Variants in SGCZ observed in about 807,000 individuals in gnomAD.
The protein encoded by SGCZ is sarcoglycan zeta, also known as zeta-sarcoglycan.
In SGCZ, 40 loss-of-function variants were observed where a neutral mutation model predicts 41.3. That is an observed-to-expected ratio of 0.97 (90% confidence interval 0.75 to 1.26). The LOEUF (loss-of-function observed/expected upper bound fraction) is 1.26. Among genes scored for constraint, SGCZ ranks in the 50% most tolerant of loss-of-function variants. The pLI is 0.00. For missense variants in SGCZ, 552 were observed against 369.8 expected, an observed-to-expected ratio of 1.49 and a Z score of -4.04; for synonymous variants, 206 against 137.5, an observed-to-expected ratio of 1.50 and a Z score of -3.49.
intron 2 of SGCZ, among the ~76,000 whole-genome samples, chr8:14,351,942 A>G (rs1166011275): frequency 6.6e-6 from 1 of 152,132 alleles, no homozygotes; most frequent in East Asian, 1.9e-4. Context: ...CATTTTTCAC[A>G]TATATAAAGT....
intron 7 of SGCZ, among the ~76,000 whole-genome samples, chr8:14,092,086 A>G (rs1801704966): frequency 6.6e-6 from 1 of 152,056 alleles, no homozygotes; most frequent in African/African-American, 2.4e-5. Flanking sequence ...TCCTTTCCCC[A>G]TTGCTTGTTT....
intron 4 of SGCZ, among the ~76,000 whole-genome samples, chr8:14,175,728 TGTCAC>T (rs1300243735): frequency 6.6e-6 from 1 of 152,044 alleles, no homozygotes; most frequent in African/African-American, 2.4e-5. Flanking sequence ...TACTCAAATA[TGTCAC>T]TAATTACACT....
chr8:15,084,567 C>A (rs372328635), intron 1 of SGCZ, among the ~76,000 whole-genome samples: 1 of 151,990 alleles, frequency 6.6e-6, no homozygotes, highest in Non-Finnish European at 1.5e-5. Flanking sequence ...CCTGGTGAAC[C>A]ATGGTGAAAC....
intron 4 of SGCZ, among the ~76,000 whole-genome samples, chr8:14,194,625 T>C (rs1241256189): frequency 1.3e-5 from 2 of 151,950 alleles, no homozygotes; most frequent in Non-Finnish European, 2.9e-5. Context: ...CTGGCCAATA[T>C]AGAGTTATGG....
chr8:14,815,651 A>T (rs867497571), intron 1 of SGCZ, among the ~76,000 whole-genome samples: 1 of 152,202 alleles, frequency 6.6e-6, no homozygotes, highest in Non-Finnish European at 1.5e-5. Context: ...TGTTCAAACT[A>T]CTATGTCATT....
At chr8:14,608,365 G>A (rs2117332118) in intron 1 of SGCZ, among the ~76,000 whole-genome samples, 1 of 151,748 alleles carries the variant, frequency 6.6e-6, no homozygotes, top group Middle Eastern at 3.4e-3. Context: ...TCACCGTTCT[G>A]CAGGCTGCAC....
rs997341053 is a variant in SGCZ, at chr8:14,086,720, A to ATGT, written c.*3720_*3722dup. On this transcript the variant is annotated 3_prime_UTR_variant, in exon 8 of 8. Transcript: ENST00000382080. ...TTTCCAAAGGAACCTTAATGTTCAA[A>ATGT]TGTTAAGAGTGTAAAAGGGAGTATA... is the stretch of plus-strand genomic sequence containing the variant. 2.0e-4 allele frequency among the ~76,000 whole-genome samples: 31 copies of ATGT among 151,706 alleles called. No homozygotes were observed. Among genetic ancestry groups the ATGT allele is most frequent in the Non-Finnish European group, 3.4e-4 (23 of 67,750 alleles).
intron 2 of SGCZ, among the ~76,000 whole-genome samples, chr8:14,448,648 C>T (rs1418369269): frequency 2.0e-5 from 3 of 152,058 alleles, no homozygotes; most frequent in Non-Finnish European, 4.4e-5. Context: ...CAAAGAACAA[C>T]AGTAATTCAA....
At chr8:14,634,203 A>G (rs915638365) in intron 1 of SGCZ, among the ~76,000 whole-genome samples, 3 of 151,896 alleles carry the variant, frequency 2.0e-5, no homozygotes, top group African/African-American at 4.8e-5. Context: ...AATTTGACAC[A>G]GTCAGATTTT....
At chr8:14,641,697 G>A (rs909043748) in intron 1 of SGCZ, among the ~76,000 whole-genome samples, 2 of 151,566 alleles carry the variant, frequency 1.3e-5, no homozygotes, top group Non-Finnish European at 3.0e-5. Context: ...GAAGGACATA[G>A]AGTTTATTGC....
intron 1 of SGCZ, among the ~76,000 whole-genome samples, chr8:15,062,633 T>C (rs1804979280): frequency 6.6e-6 from 1 of 152,170 alleles, no homozygotes; most frequent in Admixed American, 6.5e-5. Flanking sequence ...GATTTAAAAA[T>C]AGAACATTTG....
At chr8:14,957,171 G>T (rs931644888) in intron 1 of SGCZ, among the ~76,000 whole-genome samples, 4 of 151,990 alleles carry the variant, frequency 2.6e-5, no homozygotes. Flanking sequence ...GTATAATTTT[G>T]TTTTCTCTCT....
intron 1 of SGCZ, among the ~76,000 whole-genome samples, chr8:14,948,921 T>C (rs1193391175): frequency 6.6e-6 from 1 of 152,022 alleles, no homozygotes; most frequent in African/African-American, 2.4e-5. Context: ...AAAGCCAGGA[T>C]TTCTCCACTT....
rs1274873412 is a variant in SGCZ, at chr8:14,571,963, G to C, written c.40-17037C>G. 2.0e-5 allele frequency among the ~76,000 whole-genome samples: 3 copies of C among 151,844 alleles called. No individual in the cohort carries two copies. In the South Asian group the frequency reaches 6.2e-4, roughly 32 times the overall value. ...TAGAAAAGGTAGGTTGGAATGAATAGGAAAAGAAATAATAACAATTATCTG... is the reference window on the plus strand; with the variant it reads ...TAGAAAAGGTAGGTTGGAATGAATACGAAAAGAAATAATAACAATTATCTG... On this transcript the variant is annotated intron_variant, in intron 1 of 7. Coordinates refer to ENST00000382080, the MANE Select transcript of SGCZ (RefSeq NM_139167.4).
chr8:14,394,605 C>G (rs1278589461), intron 2 of SGCZ, among the ~76,000 whole-genome samples: 4 of 152,106 alleles, frequency 2.6e-5, no homozygotes, highest in East Asian at 3.9e-4. Context: ...ATTCATTCAG[C>G]AAATTCATGT....
At chr8:14,307,522 C>A (rs902118141) in intron 3 of SGCZ, among the ~76,000 whole-genome samples, 3 of 152,082 alleles carry the variant, frequency 2.0e-5, no homozygotes, top group African/African-American at 7.2e-5. Flanking sequence ...GTTGACCTAA[C>A]CTTTCTTCAG....
intron 1 of SGCZ, among the ~76,000 whole-genome samples, chr8:14,839,067 G>T (rs73201273): frequency 6.6e-6 from 1 of 152,184 alleles, no homozygotes; most frequent in East Asian, 1.9e-4. Flanking sequence ...GGCAAGAATA[G>T]ACTTTCAGGT....
At chr8:14,618,009 T>G (rs1806161701) in intron 1 of SGCZ, among the ~76,000 whole-genome samples, 1 of 152,014 alleles carries the variant, frequency 6.6e-6, no homozygotes, top group Admixed American at 6.6e-5. Context: ...CTCTTTGAGT[T>G]TCCATTTTTC....
intron 1 of SGCZ, among the ~76,000 whole-genome samples, chr8:14,920,620 G>C (rs564314729): frequency 6.8e-4 from 103 of 152,210 alleles, no homozygotes; most frequent in African/African-American, 1.9e-3. Context: ...TATCATAGAG[G>C]AGGCTATTAA....
Sources: gnomAD v4.1 joint callset for allele counts (sites outside exome capture counted in the v4.1 genomes callset) on GRCh38, gnomAD v4.1.1 for gene constraint, MANE v1.5 for transcripts, NCBI Gene and HGNC (gene_info 2026-07-23, HGNC 2026-07-21) for gene names.